PCSK1: variants seen among roughly 807,000 people sequenced by gnomAD.
PCSK1 encodes the protein proprotein convertase subtilisin/kexin type 1.
Under a neutral mutation model 90.6 loss-of-function variants are expected in PCSK1, and 56 were observed. The ratio of observed to expected loss-of-function variants is 0.62; its 90% confidence interval spans 0.50 to 0.77. PCSK1 has a LOEUF of 0.77. Among genes scored for constraint, PCSK1 ranks in the 30% least tolerant of loss-of-function variants. PCSK1 has a pLI of 0.00. For missense variants in PCSK1, 801 were observed against 932.6 expected (o/e 0.86, Z 1.84); for synonymous variants, 348 against 342.4 (o/e 1.02, Z -0.18).
intron 13 of PCSK1, among the ~76,000 whole-genome samples, chr5:96,394,415 C>G (rs921808451): frequency 1.3e-5 from 2 of 152,110 alleles, no homozygotes; most frequent in African/African-American, 2.4e-5. Context: ...TAAAAAGAAG[C>G]CTACATGATT....
At chr5:96,432,815 C>T (rs755083888) in intron 1 of PCSK1, 48 bp downstream of exon 1, 91 of 1,537,882 alleles carry the variant, frequency 5.9e-5, no homozygotes, top group Non-Finnish European at 7.6e-5. Context: ...TCCAGTCCCG[C>T]CAGTCCCCTG....
chr5:96,423,892 A>G (rs1404552668), intron 3 of PCSK1, among the ~76,000 whole-genome samples: 1 of 152,212 alleles, frequency 6.6e-6, no homozygotes, highest in Non-Finnish European at 1.5e-5. Context: ...TCATTCATGA[A>G]TGTTTTAGAA....
chr5:96,412,752 G>GTTTTTTTTTTTTTTTTTT lies in PCSK1; in HGVS notation c.710-280_710-263dup, dbSNP rs57397343. Among the ~76,000 whole-genome samples, 90 of 71,804 alleles carry GTTTTTTTTTTTTTTTTTT rather than the reference G, an allele frequency of 1.3e-3. 24 individuals are homozygous for GTTTTTTTTTTTTTTTTTT. The highest frequency in any genetic ancestry group is 7.7e-3 in the African/African-American group (86 of 11,124). The allele number at this position is 71,804 out of a possible 152,430, so 47.1% of individuals were successfully genotyped here. ...CATGCACTGTGTAGGCAGCTGTGAT[G>GTTTTTTTTTTTTTTTTTT]TTTTTTTTTTTTTTTTTTTTTTTGG... On this transcript the variant is annotated intron_variant, in intron 6 of 13. Coordinates refer to ENST00000311106, the MANE Select transcript of PCSK1 (RefSeq NM_000439.5).
chr5:96,392,948 C>G lies in PCSK1; in HGVS notation c.*53G>C. ...CAACCACTTCAGACACAGGCAAAATCGCAGGGTAAGGAAGAAGCATGAATA... is the reference window on the plus strand; with the variant it reads ...CAACCACTTCAGACACAGGCAAAATGGCAGGGTAAGGAAGAAGCATGAATA... On this transcript the variant is annotated 3_prime_UTR_variant, in exon 14 of 14. Coordinates refer to ENST00000311106, the MANE Select transcript of PCSK1 (RefSeq NM_000439.5). 4 of 1,589,236 alleles carry G rather than the reference C, an allele frequency of 2.5e-6. No individual in the cohort carries two copies. The highest frequency in any genetic ancestry group is 3.5e-6 in the Non-Finnish European group (4 of 1,158,412).
rs1760257093 is a variant in PCSK1 at position 96,398,913 on chromosome 5, T to C, written c.1554A>G (p.Arg518=). Residue 518 remains arginine (R), a synonymous_variant, in exon 11 of 14, where the codon AGA becomes AGG. Coordinates refer to ENST00000311106, the MANE Select transcript of PCSK1 (RefSeq NM_000439.5). ...AAGTAAGTGTGACATGAAGGTCTCC[T>C]CTTCGGGAATATTCAATTGTTGCTT... ...QFEATIEYSR[R]GDLHVTLTSA... is the part of the protein sequence containing the mutation. 1.2e-6 allele frequency: 2 copies of C among 1,613,770 alleles called. No individual in the cohort carries two copies. Among genetic ancestry groups the C allele is most frequent in the East Asian group, 2.2e-5 (1 of 44,862 alleles).
At position 96,398,918 on chromosome 5, in the gene PCSK1, G is replaced by A. The variant is rs1168396288; in HGVS notation, c.1549C>T (p.Arg517Ter). ...VQFEATIEYS[R>*]RGDLHVTLTS... is the part of the protein sequence containing the mutation. The stretch of plus-strand genomic sequence containing the variant: ...AGTGTGACATGAAGGTCTCCTCTTC[G>A]GGAATATTCAATTGTTGCTTCAAAT... Residue 517 changes from arginine to a stop codon, truncating the protein, a stop_gained, in exon 11 of 14, where the codon CGA (arginine) becomes TGA (stop). Transcript: ENST00000311106. LOFTEE classifies it high-confidence loss of function. 9 of 1,613,326 alleles carry A rather than the reference G, an allele frequency of 5.6e-6. No homozygotes were observed. The highest frequency in any genetic ancestry group is 2.2e-5 in the East Asian group (1 of 44,846).
In PCSK1 at chr5:96,416,701, G is replaced by C. The variant is rs150012625; in HGVS notation, c.621-580C>G. Reference sequence around the variant, plus strand: ...TGAAGATTATCTGGTACCAAGAGGAGCTTGAGATATTTGCAAGACATTACC... The same window carrying C: ...TGAAGATTATCTGGTACCAAGAGGACCTTGAGATATTTGCAAGACATTACC... On this transcript the variant is annotated intron_variant, in intron 5 of 13. Coordinates refer to ENST00000311106, the MANE Select transcript of PCSK1 (RefSeq NM_000439.5). Among the ~76,000 whole-genome samples the C allele has an allele frequency of 2.0e-5, 3 of 152,302 alleles. No homozygotes were observed. In the East Asian group the frequency reaches 5.8e-4, roughly 29 times the overall value.
At chr5:96,426,655 G>A (rs543904017) in intron 2 of PCSK1, among the ~76,000 whole-genome samples, 24 of 152,222 alleles carry the variant, frequency 1.6e-4, no homozygotes, top group African/African-American at 5.8e-4. Flanking sequence ...CTGCCTTGTA[G>A]TTATATTCAT....
intron 9 of PCSK1, among the ~76,000 whole-genome samples, chr5:96,406,501 G>A (rs908305717): frequency 6.6e-6 from 1 of 152,102 alleles, no homozygotes; most frequent in Non-Finnish European, 1.5e-5. Flanking sequence ...CCAAGTAGGT[G>A]GACTCTTGGT....
rs1208489419 is a variant in PCSK1, at chr5:96,432,965, T to G, written c.78A>C (p.Lys26Asn). 1.9e-6 allele frequency: 3 copies of G among 1,614,214 alleles called. No individual in the cohort carries two copies. Among genetic ancestry groups the G allele is most frequent in the East Asian group, 2.2e-5 (1 of 44,878 alleles). Reference protein sequence around the residue: ...FCAWCALNSAKAKRQFVNEWA... With the variant: ...FCAWCALNSANAKRQFVNEWA... ...ATTCATTGACAAATTGCCTTTTCGC[T>G]TTTGCACTGTTCAGTGCACACCAAG... The change falls in exon 1 of 14, where the codon AAA becomes AAC. Residue 26 changes from lysine (K) to asparagine (N), a missense_variant. Coordinates refer to ENST00000311106, the MANE Select transcript of PCSK1 (RefSeq NM_000439.5).
At chr5:96,429,404 G>A in intron 1 of PCSK1, 87 bp from the exon 2 acceptor site, 1 of 742,606 alleles carries the variant, frequency 1.3e-6, no homozygotes, top group Non-Finnish European at 2.4e-6. Context: ...CTTAGAGATA[G>A]GCAACTTTTA....
At chr5:96,412,218 C>T (rs1266504361) in intron 7 of PCSK1, 100 bp downstream of exon 7, 1 of 1,050,646 alleles carries the variant, frequency 9.5e-7, no homozygotes, top group African/African-American at 1.6e-5. Flanking sequence ...GTTAAGAAAT[C>T]CACAACAATG....
chr5:96,410,495 T>C (rs1437100946), intron 8 of PCSK1, among the ~76,000 whole-genome samples: 3 of 151,860 alleles, frequency 2.0e-5, no homozygotes, highest in Non-Finnish European at 4.4e-5. Context: ...AGAAAAGACA[T>C]TTGGAGTCTC....
intron 6 of PCSK1, chr5:96,412,904 C>A: frequency 1.1e-6 from 1 of 915,020 alleles, no homozygotes; most frequent in Non-Finnish European, 1.3e-6. Context: ...CCCTCCCACC[C>A]CAACTAAATG....
At chr5:96,420,316 G>A (rs749660055) in intron 5 of PCSK1, among the ~76,000 whole-genome samples, 3 of 152,176 alleles carry the variant, frequency 2.0e-5, no homozygotes, top group Non-Finnish European at 4.4e-5. Flanking sequence ...CCCCAAAAGA[G>A]TAGATGTCCT....
At chr5:96,415,675 A>G (rs1760917371) in intron 6 of PCSK1, among the ~76,000 whole-genome samples, 1 of 152,200 alleles carries the variant, frequency 6.6e-6, no homozygotes, top group African/African-American at 2.4e-5. Context: ...CAGAATTGAG[A>G]GGCAGGAAAA....
intron 9 of PCSK1, among the ~76,000 whole-genome samples, chr5:96,403,838 G>A (rs1255269905): frequency 1.3e-5 from 2 of 152,088 alleles, no homozygotes; most frequent in African/African-American, 4.8e-5. Context: ...CTTTTTTGTT[G>A]TGATTTTTTT....
At chr5:96,412,726 C>T (rs899306369) in intron 6 of PCSK1, among the ~76,000 whole-genome samples, 1 of 146,142 alleles carries the variant, frequency 6.8e-6, no homozygotes, top group Non-Finnish European at 1.5e-5. Context: ...CTATGCAATA[C>T]CATGCACTGT....
At chr5:96,415,942 T>C (rs1390567281) in intron 6 of PCSK1, 91 bp downstream of exon 6, 2 of 832,594 alleles carry the variant, frequency 2.4e-6, no homozygotes, top group Admixed American at 1.7e-5. Flanking sequence ...CCTCCAGTTG[T>C]TAAAAAGAAA....
Sources: gnomAD v4.1 joint callset for allele counts (sites outside exome capture counted in the v4.1 genomes callset) on GRCh38, gnomAD v4.1.1 for gene constraint, MANE v1.5 for transcripts, NCBI Gene and HGNC (gene_info 2026-07-23, HGNC 2026-07-21) for gene names.